The following DLGAP2 variants were observed in gnomAD, a reference collection of about 807,000 sequenced individuals.
DLGAP2 encodes the protein DLG associated protein 2, also known as disks large-associated protein 2.
Under a neutral mutation model 100.3 loss-of-function variants are expected in DLGAP2, and 26 were observed. The observed-to-expected ratio is 0.26, with a 90% CI of 0.19 to 0.36. The LOEUF (loss-of-function observed/expected upper bound fraction) is 0.36, where lower values mean the gene tolerates loss of function less well. Among genes scored for constraint, DLGAP2 ranks in the 10% least tolerant of loss-of-function variants. The pLI is 1.00. For missense variants in DLGAP2, 1,858 were observed against 1,453.2 expected (o/e 1.28, Z -4.53); for synonymous variants, 886 against 630.1 (o/e 1.41, Z -6.08).
chr8:745,631 TGGA>T (rs2132562732), intron 1 of DLGAP2, among the ~76,000 whole-genome samples: 1 of 152,358 alleles, frequency 6.6e-6, no homozygotes, highest in South Asian at 2.1e-4. Flanking sequence ...GTTAGCTAAG[TGGA>T]TGTTCCCTCC....
chr8:1,492,756 C>A (rs1799427045), intron 3 of DLGAP2, among the ~76,000 whole-genome samples: 1 of 152,210 alleles, frequency 6.6e-6, no homozygotes, highest in Non-Finnish European at 1.5e-5. Context: ...CATGGCGACG[C>A]AGCCGATTTT....
At chr8:1,539,880 C>G (rs1368952877) in intron 4 of DLGAP2, among the ~76,000 whole-genome samples, 10 of 75,594 alleles carry the variant, frequency 1.3e-4, no homozygotes, top group African/African-American at 3.3e-4. Context: ...TCTTCCTGTG[C>G]CCCCCAAGCC....
chr8:1,411,717 G>A (rs1796736521), intron 3 of DLGAP2, among the ~76,000 whole-genome samples: 1 of 152,202 alleles, frequency 6.6e-6, no homozygotes, highest in Non-Finnish European at 1.5e-5. Flanking sequence ...TCACGAAGCT[G>A]CGTGTCTACT....
intron 3 of DLGAP2, among the ~76,000 whole-genome samples, chr8:1,411,902 G>T (rs6558466): frequency 0.27 from 41,741 of 152,074 alleles, 5,951 homozygotes; most frequent in Middle Eastern, 0.35. Context: ...TTGCAAGTGG[G>T]ACACAGAGTG....
chr8:1,439,774 C>T (rs944192920), intron 3 of DLGAP2, among the ~76,000 whole-genome samples: 1 of 152,084 alleles, frequency 6.6e-6, no homozygotes, highest in Non-Finnish European at 1.5e-5. Context: ...ATCCCCCAGA[C>T]TGCTTCCGAT....
chr8:948,143 C>T (rs1055978184), intron 2 of DLGAP2, among the ~76,000 whole-genome samples: 1 of 152,258 alleles, frequency 6.6e-6, no homozygotes, highest in South Asian at 2.1e-4. Context: ...GGCTGATCTG[C>T]TGCCCAGCTG....
chr8:1,606,158 A>T (rs1796790081), intron 6 of DLGAP2, among the ~76,000 whole-genome samples: 1 of 152,034 alleles, frequency 6.6e-6, no homozygotes, highest in Non-Finnish European at 1.5e-5. Flanking sequence ...TTTTTTGAAA[A>T]TTTGCTTCAA....
chr8:1,695,373 C>T (rs543894509), intron 13 of DLGAP2, among the ~76,000 whole-genome samples: 2 of 144,466 alleles, frequency 1.4e-5, no homozygotes, highest in African/African-American at 5.7e-5. Context: ...ATGCCCGGCC[C>T]TACAGAAAGA....
At chr8:1,017,862 C>G (rs1048757319) in intron 2 of DLGAP2, among the ~76,000 whole-genome samples, 4 of 152,214 alleles carry the variant, frequency 2.6e-5, no homozygotes, top group South Asian at 2.1e-4. Flanking sequence ...TCAGGGCAGG[C>G]AAACTGTGGC....
intron 2 of DLGAP2, among the ~76,000 whole-genome samples, chr8:1,048,514 C>CATA (rs2129032330): frequency 1.3e-5 from 2 of 151,898 alleles, no homozygotes; most frequent in Admixed American, 1.3e-4. Context: ...TGCTATACTC[C>CATA]GCAAGGCCCC....
chr8:1,433,621 C>CGACT (rs111887253), intron 3 of DLGAP2, among the ~76,000 whole-genome samples: 32,158 of 151,858 alleles, frequency 0.21, 3,803 homozygotes, highest in Middle Eastern at 0.29. Context: ...CGCAGCTGAC[C>CGACT]GACTTGGAAT....
chr8:844,902 G>A (rs753675082), intron 1 of DLGAP2, among the ~76,000 whole-genome samples: 3 of 152,086 alleles, frequency 2.0e-5, no homozygotes, highest in Non-Finnish European at 4.4e-5. Flanking sequence ...ACCATGCTCT[G>A]GACATTTCGT....
intron 2 of DLGAP2, among the ~76,000 whole-genome samples, chr8:1,223,206 C>A (rs1313813509): frequency 6.6e-6 from 1 of 152,196 alleles, no homozygotes; most frequent in Non-Finnish European, 1.5e-5. Flanking sequence ...TGCCCAGCAA[C>A]CCTGTCCAGG....
At chr8:1,633,269 T>G (rs7003984) in intron 8 of DLGAP2, among the ~76,000 whole-genome samples, 55,237 of 152,032 alleles carry the variant, frequency 0.36, 13,041 homozygotes, top group African/African-American at 0.68. Flanking sequence ...CATTAGCAAG[T>G]TTCCTTAAAA....
chr8:1,144,511 CA>C (rs1343349884), intron 2 of DLGAP2, among the ~76,000 whole-genome samples: 2 of 152,334 alleles, frequency 1.3e-5, no homozygotes, highest in East Asian at 3.9e-4. Context: ...ACGTTGCAAA[CA>C]AAAGATTCTT....
intron 2 of DLGAP2, among the ~76,000 whole-genome samples, chr8:921,914 T>C (rs775677921): frequency 6.6e-6 from 1 of 152,228 alleles, no homozygotes; most frequent in Non-Finnish European, 1.5e-5. Context: ...GCAGAAGAAC[T>C]GGACAGCTGC....
At chr8:1,509,344 AC>A (rs57141061) in intron 4 of DLGAP2, among the ~76,000 whole-genome samples, 62,639 of 145,618 alleles carry the variant, frequency 0.43, 14,004 homozygotes, top group South Asian at 0.66. Context: ...AAAAAAAAAA[AC>A]CGTATAGACT....
intron 3 of DLGAP2, among the ~76,000 whole-genome samples, chr8:1,451,994 G>T (rs898729174): frequency 2.0e-5 from 3 of 152,236 alleles, no homozygotes; most frequent in Admixed American, 1.3e-4. Flanking sequence ...ATCTAGTTAA[G>T]AGAACCGGAA....
intron 3 of DLGAP2, among the ~76,000 whole-genome samples, chr8:1,409,900 G>C (rs567550180): frequency 5.9e-5 from 9 of 152,184 alleles, no homozygotes; most frequent in Non-Finnish European, 1.3e-4. Flanking sequence ...ACCTGACCCC[G>C]TGGGTCTCCA....
Sources: gnomAD v4.1 joint callset for allele counts (sites outside exome capture counted in the v4.1 genomes callset) on GRCh38, gnomAD v4.1.1 for gene constraint, MANE v1.5 for transcripts, NCBI Gene and HGNC (gene_info 2026-07-23, HGNC 2026-07-21) for gene names.